The following ZFPM1 variants were observed in gnomAD, a reference collection of about 807,000 sequenced individuals.
ZFPM1 encodes the protein zinc finger protein, FOG family member 1.
Under a neutral mutation model 46.3 loss-of-function variants are expected in ZFPM1, and 28 were observed. The ratio of observed to expected loss-of-function variants is 0.60; its 90% confidence interval spans 0.45 to 0.83. The LOEUF is 0.83. Among genes scored for constraint, ZFPM1 ranks in the 40% least tolerant of loss-of-function variants. The probability of loss-of-function intolerance (pLI) is 0.00; values close to 1 mark genes in which losing one functional copy is unlikely to be tolerated. For synonymous variants in ZFPM1, 957 were observed against 675.9 expected (o/e 1.42, Z -6.45); for missense variants, 1,878 against 1,432.4 (o/e 1.31, Z -5.02).
chr16:88,491,159 A>C (rs1020356994), intron 3 of ZFPM1, among the ~76,000 whole-genome samples: 8 of 152,082 alleles, frequency 5.3e-5, no homozygotes, highest in Non-Finnish European at 1.2e-4. Flanking sequence ...TCAGCATGAC[A>C]GGGAGGCCTT....
At chr16:88,516,803 G>A (rs936750942) in intron 4 of ZFPM1, among the ~76,000 whole-genome samples, 1 of 152,178 alleles carries the variant, frequency 6.6e-6, no homozygotes, top group African/African-American at 2.4e-5. Context: ...CTTTGTAGAA[G>A]GAGAAGGGGG....
At chr16:88,499,597 G>A (rs932121262) in intron 3 of ZFPM1, among the ~76,000 whole-genome samples, 4 of 152,246 alleles carry the variant, frequency 2.6e-5, no homozygotes, top group African/African-American at 9.6e-5. Flanking sequence ...TGCAGTGTGG[G>A]GGACCCCACC....
At chr16:88,479,873 C>T (rs1174677737) in intron 1 of ZFPM1, among the ~76,000 whole-genome samples, 67 of 143,528 alleles carry the variant, frequency 4.7e-4, no homozygotes, top group African/African-American at 1.3e-3. Flanking sequence ...CTGCCACCCC[C>T]GCAGTACTTC....
At position 88,471,139 on chromosome 16, in the gene ZFPM1, C is replaced by T. The variant is rs971470042; in HGVS notation, c.41-14800C>T. Among the ~76,000 whole-genome samples the T allele has an allele frequency of 6.6e-6, 1 of 152,220 alleles. No individual in the cohort carries two copies. The highest frequency in any genetic ancestry group is 2.4e-5 in the African/African-American group (1 of 41,452). On this transcript the variant is annotated intron_variant, in intron 1 of 9. Coordinates refer to ENST00000319555, the MANE Select transcript of ZFPM1 (RefSeq NM_153813.3). This position sits in a 1 kb window ranked among gnomAD's most constrained non-coding sequence, Gnocchi z 4.1. ...GGAGGAAAGCCCAGCTCCCCTGCAG[C>T]CATGATAGATAGACCAGACTTTTCC...
intron 1 of ZFPM1, among the ~76,000 whole-genome samples, chr16:88,485,290 G>C (rs1909156248): frequency 6.6e-6 from 1 of 152,176 alleles, no homozygotes; most frequent in Admixed American, 6.5e-5. Flanking sequence ...AGGTGGGAAA[G>C]AGACACGGGG....
intron 4 of ZFPM1, among the ~76,000 whole-genome samples, chr16:88,524,129 C>T (rs982566935): frequency 1.3e-5 from 2 of 152,208 alleles, no homozygotes; most frequent in African/African-American, 2.4e-5. Context: ...ATATCGTTAC[C>T]GCAGCACCCA....
chr16:88,510,359 A>C (rs1444865587), intron 3 of ZFPM1, among the ~76,000 whole-genome samples: 2 of 152,234 alleles, frequency 1.3e-5, no homozygotes, highest in African/African-American at 4.8e-5. Context: ...TGGCTCAGCC[A>C]GCAGCGCCAA....
rs527557037 is a variant in ZFPM1, at chr16:88,496,888, G to A, written c.268+7735G>A. ...GATCCCACTCTACAGTTAGGGAAAC[G>A]GGGGCTCAGCAAGGTGAGGTGGCTT... On this transcript the variant is annotated intron_variant, in intron 3 of 9. Coordinates refer to ENST00000319555, the MANE Select transcript of ZFPM1 (RefSeq NM_153813.3). Among the ~76,000 whole-genome samples the A allele has an allele frequency of 3.9e-5, 6 of 152,322 alleles. No homozygotes were observed. In the South Asian group the frequency reaches 6.2e-4, roughly 16 times the overall value.
In ZFPM1 at chr16:88,453,296, C is replaced by T. The variant is rs1597221403; in HGVS notation, c.-343C>T. The T allele has an allele frequency of 6.8e-6, 1 of 147,054 alleles. No individual in the cohort carries two copies. The highest frequency in any genetic ancestry group is 2.1e-4 in the South Asian group (1 of 4,818). 9.1% of individuals were successfully genotyped at this position (147,054 alleles called of 1,614,324 possible). A position where few individuals can be genotyped will look rare whatever the true frequency, so the allele number is the denominator to read the frequency against. ...CGTGCCTCCAGCCCGCCAGGAGCGC[C>T]CTCGCAGTGGCCGCCTGCTCCGCCG... On this transcript the variant is annotated 5_prime_UTR_variant, in exon 1 of 10. Transcript: ENST00000319555.
At chr16:88,514,962 A>G (rs954345793) in intron 4 of ZFPM1, among the ~76,000 whole-genome samples, 2 of 152,028 alleles carry the variant, frequency 1.3e-5, no homozygotes, top group Non-Finnish European at 2.9e-5. Flanking sequence ...CATGGTCTCC[A>G]TGGCCTCGGC....
chr16:88,533,251 G>T lies in ZFPM1; in HGVS notation c.1293G>T (p.Lys431Asn), dbSNP rs71395304. The T allele has an allele frequency of 0.086, 133,805 of 1,554,490 alleles. 7,586 individuals carry two copies. The highest frequency in any genetic ancestry group is 0.33 in the East Asian group (13,997 of 42,176). The stretch of plus-strand genomic sequence containing the variant: ...CCCCATCGCCAGGACTGGACAGAAA[G>T]GCCCTGGCCGAGGCCACCAACGGAG... ...APTPSPGLDR[K>N]ALAEATNGEA... Residue 431 changes from lysine to asparagine, a missense_variant, in exon 10 of 10, where the codon AAG becomes AAT. Coordinates refer to ENST00000319555, the MANE Select transcript of ZFPM1 (RefSeq NM_153813.3).
In ZFPM1 at chr16:88,536,194, T is replaced by C. The variant is rs1027307857; in HGVS notation, c.*1215T>C. The C allele has an allele frequency of 1.3e-5, 2 of 152,052 alleles. No individual in the cohort carries two copies. The highest frequency in any genetic ancestry group is 4.1e-4 in the South Asian group (2 of 4,820). The allele number at this position is 152,052 out of a possible 1,614,324, so 9.4% of individuals were successfully genotyped here. On this transcript the variant is annotated 3_prime_UTR_variant, in exon 10 of 10. Coordinates refer to ENST00000319555, the MANE Select transcript of ZFPM1 (RefSeq NM_153813.3). ...TGGGCAACCCTATATTTTTTAGAGC[T>C]AAGGTCTTGTTCGGTTCCCCAGGCT...
Position 88,519,892 on chromosome 16 carries a change from T to G in ZFPM1, c.402+5372T>G, listed in dbSNP as rs372946003. 7.4e-5 allele frequency among the ~76,000 whole-genome samples: 11 copies of G among 148,744 alleles called. No individual in the cohort carries two copies. In the South Asian group the frequency reaches 2.4e-3, roughly 32 times the overall value. Reference sequence around the variant, plus strand: ...GTAGATGGGTAGATGGAGAGATGTGTAGGTAGATGGATTGACGGCTGGGTA... The same window carrying G: ...GTAGATGGGTAGATGGAGAGATGTGGAGGTAGATGGATTGACGGCTGGGTA... On this transcript the variant is annotated intron_variant, in intron 4 of 9. Coordinates refer to ENST00000319555, the MANE Select transcript of ZFPM1 (RefSeq NM_153813.3).
At chr16:88,503,134 G>A (rs1442228024) in intron 3 of ZFPM1, among the ~76,000 whole-genome samples, 1 of 152,254 alleles carries the variant, frequency 6.6e-6, no homozygotes, top group Admixed American at 6.5e-5. Flanking sequence ...TCAGGGGCCA[G>A]TGGGGACCCC....
chr16:88,522,671 G>T (rs542617779), intron 4 of ZFPM1, among the ~76,000 whole-genome samples: 1 of 152,228 alleles, frequency 6.6e-6, no homozygotes, highest in African/African-American at 2.4e-5. Flanking sequence ...AACATTCTCA[G>T]GTCCGCCCGG....
chr16:88,467,349 G>A (rs1291893276), intron 1 of ZFPM1, among the ~76,000 whole-genome samples: 1 of 152,180 alleles, frequency 6.6e-6, no homozygotes, highest in Non-Finnish European at 1.5e-5. Flanking sequence ...CTGTCAAATA[G>A]GGCCGACACC....
At chr16:88,463,025 G>C (rs1907970213) in intron 1 of ZFPM1, among the ~76,000 whole-genome samples, 1 of 152,128 alleles carries the variant, frequency 6.6e-6, no homozygotes, top group East Asian at 1.9e-4. Flanking sequence ...GGCTGGCCTT[G>C]CGTGGGCCCA....
In ZFPM1 at chr16:88,532,883, G is replaced by C. The variant is rs768879595; in HGVS notation, c.1137G>C (p.Lys379Asn). The change falls in exon 9 of 10, where the codon AAG (lysine) becomes AAC (asparagine). Residue 379 changes from lysine to asparagine, a missense_variant. Transcript: ENST00000319555. ...TNHMVCQPGSKGEIYSPGAGH... is the reference protein window; with the variant it reads ...TNHMVCQPGSNGEIYSPGAGH... The stretch of plus-strand genomic sequence containing the variant: ...ACATGGTCTGCCAGCCTGGCTCCAA[G>C]GGTGAGATCTACTCGCCAGGGGCCG... 28 of 1,613,344 alleles carry C rather than the reference G, an allele frequency of 1.7e-5. No homozygotes were observed. In the South Asian group the frequency reaches 3.1e-4, roughly 18 times the overall value.
chr16:88,474,602 G>T (rs1259643641), intron 1 of ZFPM1, among the ~76,000 whole-genome samples: 1 of 151,960 alleles, frequency 6.6e-6, no homozygotes, highest in Non-Finnish European at 1.5e-5. Context: ...TCTGTCTTCA[G>T]CGCTCTCTGC....
Sources: gnomAD v4.1 joint callset for allele counts (sites outside exome capture counted in the v4.1 genomes callset) on GRCh38, gnomAD v4.1.1 for gene constraint, Gnocchi (gnomAD v3.1) non-coding constraint, MANE v1.5 for transcripts, NCBI Gene and HGNC (gene_info 2026-07-23, HGNC 2026-07-21) for gene names.